Variants in GABRA5 observed in about 807,000 individuals in gnomAD.
GABRA5 encodes the protein gamma-aminobutyric acid type A receptor subunit alpha5.
Under a neutral mutation model 47.3 loss-of-function variants are expected in GABRA5, and 18 were observed. The ratio of observed to expected loss-of-function variants is 0.38; its 90% CI spans 0.26 to 0.56. GABRA5 has a LOEUF of 0.56. Ranked by LOEUF, GABRA5 falls within the 20% of genes least tolerant of loss-of-function variation. GABRA5 has a pLI of 0.71. For missense variants in GABRA5, 365 were observed against 599.3 expected, an observed-to-expected ratio of 0.61 and a Z score of 4.08; for synonymous variants, 237 against 229.3, an observed-to-expected ratio of 1.03 and a Z score of -0.30.
At chr15:26,892,012 C>A (rs900789869) in intron 6 of GABRA5, among the ~76,000 whole-genome samples, 7 of 152,196 alleles carry the variant, frequency 4.6e-5, no homozygotes, top group Non-Finnish European at 8.8e-5. Flanking sequence ...GAGCAGCCAC[C>A]GCCTGGCAGG....
chr15:26,903,029 G>A (rs1893361871), intron 6 of GABRA5, among the ~76,000 whole-genome samples: 1 of 152,030 alleles, frequency 6.6e-6, no homozygotes, highest in Non-Finnish European at 1.5e-5. Flanking sequence ...GTGTCACAGT[G>A]GTTTGTTTAT....
intron 6 of GABRA5, among the ~76,000 whole-genome samples, chr15:26,898,408 G>A (rs1191893060): frequency 6.6e-6 from 1 of 152,184 alleles, no homozygotes; most frequent in Non-Finnish European, 1.5e-5. Context: ...TCCCCAGAGA[G>A]GGGATGTGGT....
intron 7 of GABRA5, among the ~76,000 whole-genome samples, chr15:26,923,953 G>C (rs1279380649): frequency 6.6e-6 from 1 of 151,490 alleles, no homozygotes; most frequent in Non-Finnish European, 1.5e-5. Flanking sequence ...GAGACTTTCA[G>C]TTTTTTAAAA....
chr15:26,919,601 CCTTTTGA>C (rs1893796365), intron 7 of GABRA5, among the ~76,000 whole-genome samples: 1 of 152,042 alleles, frequency 6.6e-6, no homozygotes, highest in African/African-American at 2.4e-5. Flanking sequence ...AATACTTTTG[CCTTTTGA>C]CTTTTATACG....
intron 8 of GABRA5, 121 bp downstream of exon 8, chr15:26,937,449 C>T (rs1894273885): frequency 8.6e-6 from 9 of 1,046,710 alleles, no homozygotes; most frequent in South Asian, 5.1e-5. Flanking sequence ...CAGCCTCCCA[C>T]ACAACCTGTC....
chr15:26,914,509 A>C (rs1818195301), intron 6 of GABRA5, among the ~76,000 whole-genome samples: 1 of 152,250 alleles, frequency 6.6e-6, no homozygotes, highest in Non-Finnish European at 1.5e-5. Flanking sequence ...GGGATAGGAA[A>C]CAAAGAATAA....
chr15:26,944,555 G>A (rs1894466061), intron 10 of GABRA5, among the ~76,000 whole-genome samples: 1 of 152,196 alleles, frequency 6.6e-6, no homozygotes, highest in Non-Finnish European at 1.5e-5. Flanking sequence ...TGAGAGGAGG[G>A]ACAGGAGTGA....
At position 26,948,047 on chromosome 15, in the gene GABRA5, C is replaced by T. The variant is rs1894556705; in HGVS notation, c.1203C>T (p.Thr401=). 6.2e-7 allele frequency: 1 copy of T among 1,607,950 alleles called. No individual in the cohort carries two copies. ...CCCCAGCAGGGACGTCGAATACAAC[C>T]TCAGTCTCAGTAAAACCCTCTGAAG... The part of the protein sequence containing the change: ...EQTPAGTSNT[T]SVSVKPSEEK... The change falls in exon 11 of 11, where the codon ACC becomes ACT. Residue 401 remains threonine (T), a synonymous_variant. Transcript: ENST00000335625.
intron 8 of GABRA5, chr15:26,939,129 C>T (rs1894320648): frequency 2.8e-6 from 2 of 709,822 alleles, no homozygotes; most frequent in East Asian, 4.9e-5. Context: ...CTCCACCCCT[C>T]AAAGAACACT....
intron 4 of GABRA5, among the ~76,000 whole-genome samples, chr15:26,882,376 C>T (rs1049995068): frequency 7.9e-5 from 12 of 152,138 alleles, no homozygotes; most frequent in African/African-American, 2.7e-4. Context: ...GCCATGCAGA[C>T]GATCATCACA....
chr15:26,882,366 G>A (rs970723738), intron 4 of GABRA5, among the ~76,000 whole-genome samples: 5 of 152,090 alleles, frequency 3.3e-5, no homozygotes, highest in African/African-American at 1.2e-4. Context: ...ACAGATGCAC[G>A]CCATGCAGAC....
At chr15:26,894,368 C>G (rs1190704252) in intron 6 of GABRA5, among the ~76,000 whole-genome samples, 1 of 152,178 alleles carries the variant, frequency 6.6e-6, no homozygotes, top group Non-Finnish European at 1.5e-5. Context: ...AGCGTCTGTT[C>G]TCACTGCCGG....
chr15:26,885,160 G>T (rs533627615), intron 6 of GABRA5, among the ~76,000 whole-genome samples: 2 of 152,064 alleles, frequency 1.3e-5, no homozygotes, highest in Admixed American at 6.5e-5. Flanking sequence ...TTAGCCGGGC[G>T]TGGTGGCGGA....
In GABRA5 at chr15:26,948,979, T is replaced by C. The variant is rs1464323650; in HGVS notation, c.*746T>C. 6.6e-6 allele frequency: 1 copy of C among 152,192 alleles called. No homozygotes were observed. Among genetic ancestry groups the C allele is most frequent in the Non-Finnish European group, 1.5e-5 (1 of 68,050 alleles). The allele number at this position is 152,192 out of a possible 1,614,324, so 9.4% of individuals were successfully genotyped here. A position where few individuals can be genotyped will look rare whatever the true frequency, so the allele number is the denominator to read the frequency against. On this transcript the variant is annotated 3_prime_UTR_variant, in exon 11 of 11. Transcript: ENST00000335625. ...GGAAAGGAGATGTTAAAACAAACAG[T>C]GTTTTGATGACATTCTCAGCACTTG...
At chr15:26,928,118 A>C (rs1894003912) in intron 7 of GABRA5, among the ~76,000 whole-genome samples, 1 of 152,216 alleles carries the variant, frequency 6.6e-6, no homozygotes. Context: ...CCATGAGATG[A>C]CATCTGGATT....
At chr15:26,909,605 AG>A (rs1293810554) in intron 6 of GABRA5, among the ~76,000 whole-genome samples, 1 of 152,176 alleles carries the variant, frequency 6.6e-6, no homozygotes, top group Non-Finnish European at 1.5e-5. Context: ...CGGTTTCTAG[AG>A]GACACTTGTA....
intron 10 of GABRA5, among the ~76,000 whole-genome samples, chr15:26,946,199 A>C (rs1894507602): frequency 6.6e-6 from 1 of 151,836 alleles, no homozygotes; most frequent in South Asian, 2.1e-4. Flanking sequence ...TGGTTGACTT[A>C]TTTTCTTTAC....
Position 26,914,837 on chromosome 15 carries a change from G to A in GABRA5, c.532G>A (p.Glu178Lys). The change falls in exon 7 of 11, where the codon GAG becomes AAG. Residue 178 changes from glutamate to lysine, a missense_variant. Glu to Lys is a moderately conservative substitution (Grantham distance 56). Around this residue, in one of 3 missense-constraint regions of GABRA5, gnomAD observed 216 missense variants for 335.3 expected, o/e 0.64. Coordinates refer to ENST00000335625, the MANE Select transcript of GABRA5 (RefSeq NM_000810.4). ...TISAECPMQL[E>K]DFPMDAHACP... ...CTCTGCAGAGTGCCCCATGCAGCTT[G>A]AGGACTTCCCGATGGATGCGCACGC... 6.2e-7 allele frequency: 1 copy of A among 1,613,960 alleles called. No homozygotes were observed. The highest frequency in any genetic ancestry group is 8.5e-7 in the Non-Finnish European group (1 of 1,179,866).
intron 8 of GABRA5, among the ~76,000 whole-genome samples, chr15:26,938,294 G>A (rs1429741335): frequency 1.3e-5 from 2 of 152,218 alleles, no homozygotes; most frequent in Non-Finnish European, 2.9e-5. Context: ...AAAGGGAAAG[G>A]CAGAGGGAAC....
Sources: allele counts gnomAD v4.1 joint callset (sites outside exome capture counted in the v4.1 genomes callset), GRCh38; gene constraint gnomAD v4.1.1; regional missense constraint gnomAD v4.1.1; transcripts MANE v1.5; gene names NCBI Gene and HGNC (gene_info 2026-07-23, HGNC 2026-07-21).